MAN1A1: variants seen among roughly 807,000 people sequenced by gnomAD.
MAN1A1 encodes the protein mannosyl-oligosaccharide 1,2-alpha-mannosidase IA.
MAN1A1 carries 29 observed loss-of-function variants against 70.8 expected under a neutral mutation model. The observed-to-expected ratio is 0.41, with a 90% CI of 0.31 to 0.56. The LOEUF (loss-of-function observed/expected upper bound fraction) is 0.56. Among genes scored for constraint, MAN1A1 ranks in the 20% least tolerant of loss-of-function variants. MAN1A1 has a pLI of 0.29. For synonymous variants in MAN1A1, 349 were observed against 330.1 expected (o/e 1.06, Z -0.62); for missense variants, 747 against 841.3 (o/e 0.89, Z 1.39).
At chr6:119,236,132 C>A (rs1391254872) in intron 6 of MAN1A1, among the ~76,000 whole-genome samples, 2 of 38,492 alleles carry the variant, frequency 5.2e-5, no homozygotes, top group Non-Finnish European at 1.2e-4. Flanking sequence ...AAGACTCCGT[C>A]TAAAAAAAAA....
chr6:119,188,527 T>C lies in MAN1A1; in HGVS notation c.1597A>G (p.Ile533Val). The C allele has an allele frequency of 6.2e-7, 1 of 1,614,102 alleles. No individual in the cohort carries two copies. The highest frequency in any genetic ancestry group is 8.5e-7 in the Non-Finnish European group (1 of 1,179,952). Residue 533 changes from isoleucine to valine, a missense_variant, in exon 11 of 13, where the codon ATC (isoleucine) becomes GTC (valine). Ile to Val is a conservative substitution (Grantham distance 29). This residue lies in a region of MAN1A1 where 419 missense variants were observed against 548.2 expected (regional missense o/e 0.76). Transcript: ENST00000368468. ...AFRFDGGVEA[I>V]ATRQNEKYYI... ...TATTTTTCATTTTGTCTTGTAGCGA[T>C]GGCTTCAACACCACCATCAAATCTG... is the stretch of plus-strand genomic sequence containing the variant.
chr6:119,242,940 AG>A (rs1293572141), intron 6 of MAN1A1, among the ~76,000 whole-genome samples: 1 of 152,136 alleles, frequency 6.6e-6, no homozygotes, highest in Non-Finnish European at 1.5e-5. Context: ...TAGATAAAAG[AG>A]GGAAGTGGGG....
At chr6:119,217,638 T>G (rs1463573437) in intron 6 of MAN1A1, among the ~76,000 whole-genome samples, 1 of 152,244 alleles carries the variant, frequency 6.6e-6, no homozygotes, top group Non-Finnish European at 1.5e-5. Context: ...TGTTACTCCC[T>G]CTTTCACTTC....
intron 5 of MAN1A1, among the ~76,000 whole-genome samples, chr6:119,250,679 T>TGC (rs1252074618): frequency 2.5e-4 from 38 of 149,610 alleles, no homozygotes; most frequent in African/African-American, 9.1e-4. Context: ...TGTGTGTGCG[T>TGC]GTCAGTTACT....
At chr6:119,221,049 C>T (rs1009627559) in intron 6 of MAN1A1, among the ~76,000 whole-genome samples, 2 of 150,942 alleles carry the variant, frequency 1.3e-5, no homozygotes, top group South Asian at 2.1e-4. Context: ...TTAATACCCC[C>T]GAAGCAAATT....
At chr6:119,287,864 A>G (rs920364525) in intron 5 of MAN1A1, among the ~76,000 whole-genome samples, 1 of 151,880 alleles carries the variant, frequency 6.6e-6, no homozygotes, top group Non-Finnish European at 1.5e-5. Flanking sequence ...TTTAATACTG[A>G]TTCTTCCTAT....
rs563423657 is a variant in MAN1A1 at position 119,194,277 on chromosome 6, T to A, written c.1211-385A>T. 5.5e-4 allele frequency among the ~76,000 whole-genome samples: 84 copies of A among 152,302 alleles called. 3 individuals carry two copies. In the South Asian group the frequency reaches 0.017, roughly 30 times the overall value. On this transcript the variant is annotated intron_variant, in intron 8 of 12. Coordinates refer to ENST00000368468, the MANE Select transcript of MAN1A1 (RefSeq NM_005907.4). Reference sequence around the variant, plus strand: ...TGGCAAAGCTATGAGTATTAGCAAATCTTTTTTAGAAGGTGGTTTGTAATA... The same window carrying A: ...TGGCAAAGCTATGAGTATTAGCAAAACTTTTTTAGAAGGTGGTTTGTAATA...
intron 2 of MAN1A1, chr6:119,327,402 T>C (rs1176979618): frequency 6.7e-6 from 1 of 148,542 alleles, no homozygotes; most frequent in Non-Finnish European, 1.5e-5. Context: ...TTTTTTTTTT[T>C]TTTTTGAGAC....
chr6:119,258,185 A>G (rs1775510561), intron 5 of MAN1A1, among the ~76,000 whole-genome samples: 2 of 152,162 alleles, frequency 1.3e-5, no homozygotes, highest in Non-Finnish European at 2.9e-5. Context: ...TCTATTTACT[A>G]CTGCTTTCAG....
chr6:119,202,968 G>A (rs569986067), intron 7 of MAN1A1, among the ~76,000 whole-genome samples: 26 of 145,994 alleles, frequency 1.8e-4, no homozygotes, highest in Middle Eastern at 3.4e-3. Flanking sequence ...GTGCCCTCAT[G>A]AGAGACACAA....
chr6:119,182,521 G>GT (rs994910048), intron 11 of MAN1A1, among the ~76,000 whole-genome samples: 2,015 of 141,874 alleles, frequency 0.014, 44 homozygotes, highest in African/African-American at 0.046. Flanking sequence ...ATTTTGAGTT[G>GT]TTTTTTTTTT....
At chr6:119,307,685 A>C (rs1429855256) in intron 2 of MAN1A1, among the ~76,000 whole-genome samples, 1 of 152,196 alleles carries the variant, frequency 6.6e-6, no homozygotes, top group Admixed American at 6.5e-5. Flanking sequence ...TCCCTCTGCC[A>C]TAAATTAGTT....
intron 6 of MAN1A1, among the ~76,000 whole-genome samples, chr6:119,212,822 C>T (rs767532559): frequency 6.6e-6 from 1 of 152,098 alleles, no homozygotes; most frequent in African/African-American, 2.4e-5. Flanking sequence ...AGGTCTTTTC[C>T]GGATATTAAA....
At chr6:119,254,642 G>T (rs1775412466) in intron 5 of MAN1A1, among the ~76,000 whole-genome samples, 1 of 152,246 alleles carries the variant, frequency 6.6e-6, no homozygotes, top group East Asian at 1.9e-4. Flanking sequence ...GCTAATAGAA[G>T]ATATTTTTAA....
chr6:119,186,186 T>C (rs1005980866), intron 11 of MAN1A1, among the ~76,000 whole-genome samples: 3 of 152,190 alleles, frequency 2.0e-5, no homozygotes, highest in Non-Finnish European at 4.4e-5. Flanking sequence ...TGAGTTACTT[T>C]ATTAGGTGAT....
At chr6:119,240,814 G>A (rs1413040965) in intron 6 of MAN1A1, among the ~76,000 whole-genome samples, 1 of 152,176 alleles carries the variant, frequency 6.6e-6, no homozygotes, top group African/African-American at 2.4e-5. Flanking sequence ...ATAAATAAAT[G>A]TCCTTAGTTT....
At chr6:119,244,247 C>CTAA (rs1402401563) in intron 6 of MAN1A1, among the ~76,000 whole-genome samples, 2 of 151,992 alleles carry the variant, frequency 1.3e-5, no homozygotes, top group Non-Finnish European at 2.9e-5. Context: ...AGGCCTCTTG[C>CTAA]TAATAGTAAT....
At chr6:119,318,308 CAG>C (rs570847453) in intron 2 of MAN1A1, among the ~76,000 whole-genome samples, 55 of 152,174 alleles carry the variant, frequency 3.6e-4, no homozygotes, top group Non-Finnish European at 5.7e-4. Context: ...GTAGTCTCCC[CAG>C]AGAGAGTCCC....
At chr6:119,244,950 G>C (rs1225212499) in intron 6 of MAN1A1, among the ~76,000 whole-genome samples, 1 of 152,110 alleles carries the variant, frequency 6.6e-6, no homozygotes, top group Non-Finnish European at 1.5e-5. Context: ...TAAATGCTTA[G>C]TTTTGACAAA....
Sources: gnomAD v4.1 joint callset for allele counts (sites outside exome capture counted in the v4.1 genomes callset) on GRCh38, gnomAD v4.1.1 for gene constraint, gnomAD v4.1.1 regional missense constraint, MANE v1.5 for transcripts, NCBI Gene and HGNC (gene_info 2026-07-23, HGNC 2026-07-21) for gene names.